MBP: variants seen among roughly 807,000 people sequenced by gnomAD.
The protein encoded by MBP is Golli-MBP.
In MBP, 16 loss-of-function variants were observed where a neutral mutation model predicts 35.8. That is an observed-to-expected ratio of 0.45 (90% CI 0.30 to 0.68). The LOEUF is 0.68. Among genes scored for constraint, MBP ranks in the 30% least tolerant of loss-of-function variants. The pLI, the probability that MBP is intolerant of heterozygous loss-of-function variation, is 0.08. For missense variants in MBP, 380 were observed against 404.7 expected, an observed-to-expected ratio of 0.94 and a Z score of 0.52; for synonymous variants, 143 against 159.6, an observed-to-expected ratio of 0.90 and a Z score of 0.78.
intron 2 of MBP, among the ~76,000 whole-genome samples, chr18:77,068,774 A>G (rs994220144): frequency 6.6e-6 from 1 of 152,254 alleles, no homozygotes; most frequent in Non-Finnish European, 1.5e-5. Flanking sequence ...AATCAGAGAA[A>G]TACAGAGCGA....
chr18:77,007,456 C>T lies in MBP; in HGVS notation c.576+9376G>A, dbSNP rs576053378. 1.6e-4 allele frequency among the ~76,000 whole-genome samples: 25 copies of T among 152,314 alleles called. No individual in the cohort carries two copies. In the East Asian group the frequency reaches 3.7e-3, roughly 22 times the overall value. On this transcript the variant is annotated intron_variant, in intron 4 of 8. Transcript: ENST00000355994. Reference sequence around the variant, plus strand: ...GAGATGGCCTCTGTGAGCCAGGCATCGCCGGCCCCTGCTCAGGGGGCTGGA... The same window carrying T: ...GAGATGGCCTCTGTGAGCCAGGCATTGCCGGCCCCTGCTCAGGGGGCTGGA...
chr18:76,989,084 T>C lies in MBP; in HGVS notation c.682-172A>G, dbSNP rs547637270. On this transcript the variant is annotated intron_variant, in intron 5 of 8. Transcript: ENST00000355994. This position sits in a 1 kb window ranked among gnomAD's most constrained non-coding sequence, Gnocchi z 4.0. ...TGGTGAAGAAGTATAGACCTGAGAT[T>C]GAAAATATTCTAGATGATGCAGATC... The C allele has an allele frequency of 6.8e-6, 5 of 733,994 alleles. No homozygotes were observed. The East Asian group carries it at 1.0e-4, about 15-fold the overall frequency. The allele number at this position is 733,994 out of a possible 1,614,324, so 45.5% of individuals were successfully genotyped here.
At chr18:77,109,524 T>G (rs1015960922) in intron 1 of MBP, 1 of 152,224 alleles carries the variant, frequency 6.6e-6, no homozygotes, top group African/African-American at 2.4e-5. Context: ...TTGAAATAAT[T>G]GTGAGTGCAA....
chr18:77,081,982 G>A (rs997505620), intron 2 of MBP, among the ~76,000 whole-genome samples: 1 of 151,736 alleles, frequency 6.6e-6, no homozygotes, highest in Non-Finnish European at 1.5e-5. Context: ...CTCCCAAGTA[G>A]CTGGGACTAC....
chr18:76,989,206 G>A lies in MBP; in HGVS notation c.682-294C>T, dbSNP rs1018019009. ...CCCATCTTGGGACACTGAGGGAGGC[G>A]GCGGACTTTGCTTCACCGTGAGCCC... On this transcript the variant is annotated intron_variant, in intron 5 of 8. Coordinates refer to ENST00000355994, the MANE Select transcript of MBP (RefSeq NM_001025101.2). This position sits in a 1 kb window ranked among gnomAD's most constrained non-coding sequence, Gnocchi z 4.0. 2.1e-4 allele frequency: 123 copies of A among 593,672 alleles called. No homozygotes were observed. Among genetic ancestry groups the A allele is most frequent in the African/African-American group, 2.0e-3 (107 of 54,440 alleles). The allele number at this position is 593,672 out of a possible 1,614,324, so 36.8% of individuals were successfully genotyped here.
intron 3 of MBP, among the ~76,000 whole-genome samples, chr18:77,048,438 C>T (rs563179305): frequency 1.2e-4 from 19 of 152,316 alleles, no homozygotes; most frequent in Non-Finnish European, 2.1e-4. Flanking sequence ...TGACTTTATG[C>T]GTCCCTAACA....
At chr18:77,084,956 G>T (rs542663370) in intron 2 of MBP, among the ~76,000 whole-genome samples, 4 of 15,232 alleles carry the variant, frequency 2.6e-4, no homozygotes, top group Non-Finnish European at 6.6e-4. Flanking sequence ...GAAGGGGGAG[G>T]GGGGAGAGAG....
At chr18:77,093,551 C>A (rs1027074596) in intron 2 of MBP, 1 of 152,202 alleles carries the variant, frequency 6.6e-6, no homozygotes, top group Non-Finnish European at 1.5e-5. Flanking sequence ...ATGCCCACTT[C>A]CCTGCCTCCA....
chr18:77,070,758 C>T (rs1974407693), intron 2 of MBP, among the ~76,000 whole-genome samples: 1 of 152,130 alleles, frequency 6.6e-6, no homozygotes. Flanking sequence ...CCCTCTCCCG[C>T]CACTGAATTG....
intron 3 of MBP, among the ~76,000 whole-genome samples, chr18:77,056,438 C>G (rs1038685803): frequency 2.6e-5 from 4 of 152,178 alleles, no homozygotes; most frequent in African/African-American, 9.7e-5. Context: ...AGTTCACTGC[C>G]CAGCTTTGTC....
intron 4 of MBP, among the ~76,000 whole-genome samples, chr18:76,993,199 A>G (rs541043196): frequency 6.6e-6 from 1 of 152,304 alleles, no homozygotes; most frequent in African/African-American, 2.4e-5. Flanking sequence ...AAAATACCAC[A>G]AAAGTGAAGC....
intron 3 of MBP, among the ~76,000 whole-genome samples, chr18:77,052,595 A>G (rs547285020): frequency 6.6e-6 from 1 of 152,356 alleles, no homozygotes; most frequent in Non-Finnish European, 1.5e-5. Flanking sequence ...GTAAGTGCAC[A>G]GGAAACAAAC....
In MBP at chr18:76,988,364, T is replaced by C; in HGVS notation, c.750+131A>G. 6 of 1,611,820 alleles carry C rather than the reference T, an allele frequency of 3.7e-6. No homozygotes were observed. The highest frequency in any genetic ancestry group is 5.1e-6 in the Non-Finnish European group (6 of 1,178,840). On this transcript the variant is annotated intron_variant, in intron 7 of 8. Coordinates refer to ENST00000355994, the MANE Select transcript of MBP (RefSeq NM_001025101.2). This position sits in a 1 kb window ranked among gnomAD's most constrained non-coding sequence, Gnocchi z 5.2. ...AGACAAGGCGGCCCGATCCCAGCTGTGGGCAGAGAGGTCTCGAGAGGAGAG... is the reference window on the plus strand; with the variant it reads ...AGACAAGGCGGCCCGATCCCAGCTGCGGGCAGAGAGGTCTCGAGAGGAGAG...
intron 3 of MBP, among the ~76,000 whole-genome samples, chr18:77,032,598 T>G (rs953150438): frequency 1.3e-5 from 2 of 152,276 alleles, no homozygotes; most frequent in African/African-American, 4.8e-5. Flanking sequence ...CTGCACACAC[T>G]GAGCTCAGGT....
At chr18:77,080,621 A>G (rs1974853430) in intron 2 of MBP, among the ~76,000 whole-genome samples, 1 of 152,250 alleles carries the variant, frequency 6.6e-6, no homozygotes, top group African/African-American at 2.4e-5. Context: ...GAAAGCTGCC[A>G]ATCCATTTCC....
intron 1 of MBP, among the ~76,000 whole-genome samples, chr18:77,125,404 C>T (rs1977016105): frequency 6.6e-6 from 1 of 152,124 alleles, no homozygotes; most frequent in Non-Finnish European, 1.5e-5. Context: ...GTAACACATT[C>T]TGTTATTTGT....
intron 3 of MBP, among the ~76,000 whole-genome samples, chr18:77,024,834 G>C (rs764120892): frequency 6.6e-6 from 1 of 152,228 alleles, no homozygotes; most frequent in Non-Finnish European, 1.5e-5. Flanking sequence ...GTGTTTATGA[G>C]ATGGGAGCAT....
At chr18:77,087,121 C>A (rs1451225683) in intron 2 of MBP, among the ~76,000 whole-genome samples, 1 of 152,156 alleles carries the variant, frequency 6.6e-6, no homozygotes, top group Non-Finnish European at 1.5e-5. Context: ...CTTTTGGATG[C>A]GAAGCACTGG....
At chr18:77,012,771 G>A (rs1234052524) in intron 4 of MBP, 8 of 984,968 alleles carry the variant, frequency 8.1e-6, no homozygotes, top group East Asian at 2.3e-4. Context: ...AAAGAAGTTC[G>A]CATGCAATTA....
Sources: gnomAD v4.1 joint callset for allele counts (sites outside exome capture counted in the v4.1 genomes callset) on GRCh38, gnomAD v4.1.1 for gene constraint, Gnocchi (gnomAD v3.1) non-coding constraint, MANE v1.5 for transcripts, NCBI Gene and HGNC (gene_info 2026-07-23, HGNC 2026-07-21) for gene names.